The following HLCS variants were observed in gnomAD, a reference collection of about 807,000 sequenced individuals.
HLCS encodes the protein holocarboxylase synthetase.
A neutral mutation model predicts 75.0 loss-of-function variants in HLCS; 53 were observed. The observed-to-expected ratio is 0.71, with a 90% confidence interval of 0.57 to 0.89. The LOEUF (loss-of-function observed/expected upper bound fraction) is 0.89. HLCS is among the 40% of genes least tolerant of loss of function. The pLI is 0.00. For synonymous variants in HLCS, 431 were observed against 428.6 expected, an observed-to-expected ratio of 1.01 and a Z score of -0.07; for missense variants, 966 against 1,074.0, an observed-to-expected ratio of 0.90 and a Z score of 1.41.
At chr21:36,913,632 G>A (rs956151797) in intron 5 of HLCS, among the ~76,000 whole-genome samples, 1 of 152,068 alleles carries the variant, frequency 6.6e-6, no homozygotes, top group South Asian at 2.1e-4. Context: ...ATGGTGGTGG[G>A]TGCCTGTAGT....
In HLCS at chr21:36,941,576, G is replaced by A. The variant is rs191637338; in HGVS notation, c.331-2582C>T. Among the ~76,000 whole-genome samples, 331 of 152,294 alleles carry A rather than the reference G, an allele frequency of 2.2e-3. 3 individuals carry two copies. Among genetic ancestry groups the A allele is most frequent in the African/African-American group, 7.7e-3 (318 of 41,550 alleles). ...GGTACTGGTACAACTACATACTGAC[G>A]TGTAAAAGAATGAACATAGGCTGGG... On this transcript the variant is annotated intron_variant, in intron 2 of 10. Transcript: ENST00000674895.
chr21:36,763,549 G>C (rs1601133782), intron 8 of HLCS, among the ~76,000 whole-genome samples: 1 of 152,176 alleles, frequency 6.6e-6, no homozygotes, highest in Non-Finnish European at 1.5e-5. Flanking sequence ...ACATCACAGA[G>C]GGATTTAAGG....
intron 6 of HLCS, among the ~76,000 whole-genome samples, chr21:36,793,214 G>A (rs1352051324): frequency 4.6e-5 from 7 of 151,564 alleles, no homozygotes; most frequent in African/African-American, 1.5e-4. Context: ...TACGACCCCC[G>A]CTGCTTACAT....
In HLCS at chr21:36,803,099, C is replaced by T. The variant is rs546841654; in HGVS notation, c.1893-35814G>A. On this transcript the variant is annotated intron_variant, in intron 6 of 10. Coordinates refer to ENST00000674895, the MANE Select transcript of HLCS (RefSeq NM_001352514.2). ...GAATACTCATTGTCATGGTGACAAC[C>T]GGGTGGATGGAGTTTGAAGACAGGT... is the stretch of plus-strand genomic sequence containing the variant. Among the ~76,000 whole-genome samples, 32 of 152,246 alleles carry T rather than the reference C, an allele frequency of 2.1e-4. No individual in the cohort carries two copies. The South Asian group carries it at 4.2e-3, about 20-fold the overall frequency.
chr21:36,939,740 T>C (rs1048249867), intron 2 of HLCS, among the ~76,000 whole-genome samples: 2 of 152,132 alleles, frequency 1.3e-5, no homozygotes, highest in African/African-American at 4.8e-5. Context: ...AGGGTTCCCA[T>C]GGAGAAGACA....
chr21:36,838,298 T>TCACA (rs148428941), intron 6 of HLCS, among the ~76,000 whole-genome samples: 19,876 of 127,198 alleles, frequency 0.16, 1,469 homozygotes, highest in Non-Finnish European at 0.18. Context: ...GGGTGAATGA[T>TCACA]CACACACACA....
intron 6 of HLCS, among the ~76,000 whole-genome samples, chr21:36,831,525 C>T (rs1569073508): frequency 6.6e-6 from 1 of 152,006 alleles, no homozygotes. Context: ...ACTAAAAATA[C>T]AAAAAACATT....
chr21:36,805,233 A>C (rs2043104446), intron 6 of HLCS, among the ~76,000 whole-genome samples: 1 of 152,212 alleles, frequency 6.6e-6, no homozygotes, highest in South Asian at 2.1e-4. Context: ...AGATGCCTCC[A>C]AATTTTAAAG....
chr21:36,833,018 A>G (rs1014383440), intron 6 of HLCS, among the ~76,000 whole-genome samples: 1 of 151,600 alleles, frequency 6.6e-6, no homozygotes, highest in Non-Finnish European at 1.5e-5. Flanking sequence ...GAGGCCACAC[A>G]GCACCCAAAA....
chr21:36,828,647 T>C (rs1043216302), intron 6 of HLCS, among the ~76,000 whole-genome samples: 3 of 152,160 alleles, frequency 2.0e-5, no homozygotes, highest in African/African-American at 7.2e-5. Context: ...ATTTTTTAAG[T>C]GGATAAGCAA....
intron 6 of HLCS, among the ~76,000 whole-genome samples, chr21:36,839,898 A>G (rs1362735837): frequency 6.6e-6 from 1 of 152,252 alleles, no homozygotes; most frequent in Non-Finnish European, 1.5e-5. Context: ...ATTTCGCTGG[A>G]GGCCAAGATG....
intron 6 of HLCS, among the ~76,000 whole-genome samples, chr21:36,843,370 C>T (rs1016045656): frequency 4.6e-5 from 7 of 152,172 alleles, no homozygotes; most frequent in South Asian, 2.1e-4. Context: ...CCCAGGAAGT[C>T]GAGACTCCAG....
At chr21:36,785,066 G>A (rs968564335) in intron 6 of HLCS, among the ~76,000 whole-genome samples, 5 of 152,052 alleles carry the variant, frequency 3.3e-5, no homozygotes, top group Admixed American at 2.6e-4. Flanking sequence ...CGTCGCCTTC[G>A]GGGTAATGAC....
intron 1 of HLCS, among the ~76,000 whole-genome samples, chr21:36,965,920 G>A (rs370695808): frequency 1.1e-5 from 1 of 87,814 alleles, no homozygotes; most frequent in African/African-American, 3.9e-5. Flanking sequence ...CGACCTAAGT[G>A]TTTTTTTTGT....
chr21:36,892,011 A>C (rs2064806649), intron 6 of HLCS, among the ~76,000 whole-genome samples: 1 of 152,188 alleles, frequency 6.6e-6, no homozygotes, highest in African/African-American at 2.4e-5. Flanking sequence ...TGAGGCCTTT[A>C]AAAGACCAGA....
chr21:36,974,800 C>T (rs1004997525), intron 1 of HLCS: 3 of 152,360 alleles, frequency 2.0e-5, no homozygotes, highest in East Asian at 3.9e-4. Context: ...AAACCAACCC[C>T]GCCCACACCT....
intron 6 of HLCS, among the ~76,000 whole-genome samples, chr21:36,892,389 G>A (rs946036300): frequency 1.3e-5 from 2 of 152,210 alleles, no homozygotes; most frequent in Admixed American, 1.3e-4. Context: ...AGTGCAGGGG[G>A]TGCAGGGAGA....
chr21:36,785,066 G>C (rs968564335), intron 6 of HLCS, among the ~76,000 whole-genome samples: 1 of 152,052 alleles, frequency 6.6e-6, no homozygotes, highest in Non-Finnish European at 1.5e-5. Flanking sequence ...CGTCGCCTTC[G>C]GGGTAATGAC....
In HLCS at chr21:36,927,630, TTAAC is replaced by T. The variant is rs377397942; in HGVS notation, c.1620+2617_1620+2620del. On this transcript the variant is annotated intron_variant, in intron 5 of 10. Transcript: ENST00000674895. Reference sequence around the variant, plus strand: ...AACGTTGAATGAAAGATGAATATTATTAACTGGGACATTGAAATAATTTCTGCAG... The same window carrying T: ...AACGTTGAATGAAAGATGAATATTATTGGGACATTGAAATAATTTCTGCAG... Among the ~76,000 whole-genome samples, 906 of 152,350 alleles carry T rather than the reference TTAAC, an allele frequency of 5.9e-3. 9 individuals carry two copies. The highest frequency in any genetic ancestry group is 0.021 in the African/African-American group (862 of 41,580).
Sources: allele counts gnomAD v4.1 joint callset (sites outside exome capture counted in the v4.1 genomes callset), GRCh38; gene constraint gnomAD v4.1.1; transcripts MANE v1.5; gene names NCBI Gene and HGNC (gene_info 2026-07-23, HGNC 2026-07-21).